Variants in SLC16A10 observed in about 807,000 individuals in gnomAD.
SLC16A10 encodes solute carrier family 16 member 10, also known as monocarboxylate transporter 10.
Under a neutral mutation model 40.0 loss-of-function variants are expected in SLC16A10, and 27 were observed. That is an observed-to-expected ratio of 0.67 (90% CI 0.50 to 0.93). SLC16A10 has a LOEUF of 0.93. Ranked by LOEUF, SLC16A10 falls within the 40% of genes least tolerant of loss-of-function variation. The probability of loss-of-function intolerance (pLI) is 0.00; values close to 1 mark genes in which losing one functional copy is unlikely to be tolerated. For missense variants in SLC16A10, 529 were observed against 658.2 expected, an observed-to-expected ratio of 0.80 and a Z score of 2.15; for synonymous variants, 213 against 249.8, an observed-to-expected ratio of 0.85 and a Z score of 1.39.
At chr6:111,171,586 G>A (rs1442579631) in intron 1 of SLC16A10, among the ~76,000 whole-genome samples, 1 of 152,028 alleles carries the variant, frequency 6.6e-6, no homozygotes, top group Non-Finnish European at 1.5e-5. Context: ...TGGGCTCAAG[G>A]TGGGTGATCG....
intron 3 of SLC16A10, among the ~76,000 whole-genome samples, chr6:111,200,961 G>A (rs192489182): frequency 8.5e-5 from 13 of 152,314 alleles, no homozygotes; most frequent in East Asian, 1.9e-4. Context: ...CTTAGTGTCC[G>A]TATTGGAAAG....
intron 1 of SLC16A10, among the ~76,000 whole-genome samples, chr6:111,149,943 G>A (rs571447382): frequency 6.6e-6 from 1 of 152,274 alleles, no homozygotes; most frequent in South Asian, 2.1e-4. Flanking sequence ...ATTACTTTGT[G>A]TGACTTTGAG....
chr6:111,135,383 G>C (rs1194170200), intron 1 of SLC16A10, among the ~76,000 whole-genome samples: 1 of 152,198 alleles, frequency 6.6e-6, no homozygotes, highest in Non-Finnish European at 1.5e-5. Flanking sequence ...GTAAAAGCAT[G>C]CAGTAGCCCC....
chr6:111,174,698 G>A (rs1315133979), intron 2 of SLC16A10, among the ~76,000 whole-genome samples: 1 of 151,956 alleles, frequency 6.6e-6, no homozygotes, highest in Non-Finnish European at 1.5e-5. Flanking sequence ...AAGCTTCCAG[G>A]TACCTATTGT....
In SLC16A10 at chr6:111,134,022, C is replaced by T. The variant is rs6903669; in HGVS notation, c.344-38673C>T. Among the ~76,000 whole-genome samples the T allele has an allele frequency of 5.3e-5, 8 of 152,282 alleles. 1 individual carries two copies. The highest frequency in any genetic ancestry group is 3.9e-4 in the East Asian group (2 of 5,188). On this transcript the variant is annotated intron_variant, in intron 1 of 5. Coordinates refer to ENST00000368851, the MANE Select transcript of SLC16A10 (RefSeq NM_018593.5). ...GATATAATATTACTGCTAAATCAGA[C>T]GCTAACCTCAAATGAGAGAAGTGCT...
intron 1 of SLC16A10, among the ~76,000 whole-genome samples, chr6:111,142,670 T>A: frequency 6.6e-6 from 1 of 152,180 alleles, no homozygotes; most frequent in African/African-American, 2.4e-5. Context: ...AATGATGAGA[T>A]TCTACTACAC....
At chr6:111,122,714 C>A (rs1487891769) in intron 1 of SLC16A10, among the ~76,000 whole-genome samples, 1 of 152,068 alleles carries the variant, frequency 6.6e-6, no homozygotes, top group Non-Finnish European at 1.5e-5. Context: ...AGGTGTCAAA[C>A]CGCATTATTG....
At chr6:111,200,469 T>A (rs1352338954) in intron 3 of SLC16A10, among the ~76,000 whole-genome samples, 1 of 152,208 alleles carries the variant, frequency 6.6e-6, no homozygotes. Flanking sequence ...TTTAATCACC[T>A]CACTCGGCTT....
chr6:111,202,187 T>A (rs1773178710), intron 3 of SLC16A10, among the ~76,000 whole-genome samples: 1 of 152,184 alleles, frequency 6.6e-6, no homozygotes, highest in South Asian at 2.1e-4. Context: ...CAGAAACAGT[T>A]ACCCACGGCC....
At chr6:111,097,485 T>A (rs532766755) in intron 1 of SLC16A10, among the ~76,000 whole-genome samples, 2 of 151,934 alleles carry the variant, frequency 1.3e-5, no homozygotes, top group South Asian at 4.2e-4. Context: ...CTAATTTTTT[T>A]GTATTTTTAG....
At chr6:111,139,082 T>C (rs1235415039) in intron 1 of SLC16A10, among the ~76,000 whole-genome samples, 2 of 45,854 alleles carry the variant, frequency 4.4e-5, no homozygotes, top group African/African-American at 1.4e-4. Context: ...CTTTTTTTTT[T>C]CTTCTTCTTC....
At chr6:111,117,333 C>A (rs1248931532) in intron 1 of SLC16A10, among the ~76,000 whole-genome samples, 1 of 116,476 alleles carries the variant, frequency 8.6e-6, no homozygotes, top group Non-Finnish European at 1.6e-5. Flanking sequence ...TCCTGGGCGA[C>A]AGAGCGAGAC....
At position 111,123,160 on chromosome 6, in the gene SLC16A10, C is replaced by G. The variant is rs540818361; in HGVS notation, c.343+35065C>G. Among the ~76,000 whole-genome samples the G allele has an allele frequency of 7.2e-5, 11 of 152,280 alleles. 1 individual carries two copies. The East Asian group carries it at 2.1e-3, about 29-fold the overall frequency. ...CCCATTCCTCCCACCTGTCTTCATC[C>G]TGTCGGGGTTGATCTCTGCCTGGTT... is the stretch of plus-strand genomic sequence containing the variant. On this transcript the variant is annotated intron_variant, in intron 1 of 5. Transcript: ENST00000368851.
intron 2 of SLC16A10, among the ~76,000 whole-genome samples, chr6:111,176,730 T>C (rs1371547921): frequency 6.6e-6 from 1 of 152,248 alleles, no homozygotes; most frequent in African/African-American, 2.4e-5. Flanking sequence ...GCCTTTTCTT[T>C]TACTACCTTG....
chr6:111,196,972 C>T (rs1385331171), intron 3 of SLC16A10, among the ~76,000 whole-genome samples: 1 of 152,052 alleles, frequency 6.6e-6, no homozygotes, highest in African/African-American at 2.4e-5. Flanking sequence ...AACCTCCACA[C>T]CAGAACTCTG....
Position 111,100,984 on chromosome 6 carries a change from CTCTCTCTCTATATATA to C in SLC16A10, c.343+12891_343+12906del, listed in dbSNP as rs1388425444. Among the ~76,000 whole-genome samples the C allele has an allele frequency of 2.1e-3, 219 of 103,254 alleles. 2 individuals are homozygous for C. The highest frequency in any genetic ancestry group is 7.9e-3 in the African/African-American group (182 of 23,042). 67.7% of individuals were successfully genotyped at this position (103,254 alleles called of 152,430 possible). A position where few individuals can be genotyped will look rare whatever the true frequency, so the allele number is the denominator to read the frequency against. On this transcript the variant is annotated intron_variant, in intron 1 of 5. Transcript: ENST00000368851. ...CCTCTCTCTCTCTCTCTCTCTCTCT[CTCTCTCTCTATATATA>C]TATATATATATATATATAAATATAT... is the stretch of plus-strand genomic sequence containing the variant.
chr6:111,221,938 G>A, intron 5 of SLC16A10, 65 bp from the exon 6 acceptor site: 8 of 1,468,942 alleles, frequency 5.4e-6, no homozygotes, highest in South Asian at 1.3e-5. Context: ...CAGTCCTGTG[G>A]CTGATCTAGA....
At chr6:111,133,678 G>A (rs1009766255) in intron 1 of SLC16A10, among the ~76,000 whole-genome samples, 8 of 152,150 alleles carry the variant, frequency 5.3e-5, no homozygotes, top group Admixed American at 4.6e-4. Context: ...ATGCCCTACA[G>A]GAAGCCCTCA....
chr6:111,140,441 C>T (rs569752859), intron 1 of SLC16A10, among the ~76,000 whole-genome samples: 23 of 151,542 alleles, frequency 1.5e-4, no homozygotes, highest in East Asian at 3.9e-4. Flanking sequence ...CCAGCCTGGG[C>T]GACACAGCAA....
Sources: gnomAD v4.1 joint callset for allele counts (sites outside exome capture counted in the v4.1 genomes callset) on GRCh38, gnomAD v4.1.1 for gene constraint, MANE v1.5 for transcripts, NCBI Gene and HGNC (gene_info 2026-07-23, HGNC 2026-07-21) for gene names.